Variants in GABRB1 observed in about 807,000 individuals in gnomAD.
The protein encoded by GABRB1 is gamma-aminobutyric acid receptor subunit beta-1.
In GABRB1, 17 loss-of-function variants were observed where a neutral mutation model predicts 51.6. The observed-to-expected ratio is 0.33, with a 90% CI of 0.23 to 0.49. The LOEUF is 0.49. Ranked by LOEUF, GABRB1 falls within the 20% of genes least tolerant of loss-of-function variation. GABRB1 has a pLI of 0.99. For synonymous variants in GABRB1, 247 were observed against 218.9 expected (o/e 1.13, Z -1.14); for missense variants, 410 against 600.6 (o/e 0.68, Z 3.32).
chr4:47,084,312 C>T (rs772125019), intron 3 of GABRB1, among the ~76,000 whole-genome samples: 5 of 152,192 alleles, frequency 3.3e-5, no homozygotes, highest in Non-Finnish European at 7.3e-5. Context: ...TCTTCTAAGC[C>T]ATCAACTGGT....
chr4:47,058,083 A>G (rs1434744997), intron 3 of GABRB1, among the ~76,000 whole-genome samples: 1 of 152,224 alleles, frequency 6.6e-6, no homozygotes, highest in Admixed American at 6.5e-5. Flanking sequence ...GGCTGCACAG[A>G]GTTGTGAGAG....
intron 4 of GABRB1, among the ~76,000 whole-genome samples, chr4:47,174,766 ATTTT>A (rs980278901): frequency 1.3e-5 from 2 of 151,842 alleles, no homozygotes; most frequent in Non-Finnish European, 2.9e-5. Flanking sequence ...CATTCTTAGG[ATTTT>A]TGCTGGGTAG....
At chr4:47,036,458 A>C (rs915759884) in intron 3 of GABRB1, among the ~76,000 whole-genome samples, 5 of 152,080 alleles carry the variant, frequency 3.3e-5, no homozygotes, top group African/African-American at 1.2e-4. Context: ...TCCAAATCAG[A>C]GGTGTGGGAT....
chr4:47,060,486 G>T (rs1726799612), intron 3 of GABRB1, among the ~76,000 whole-genome samples: 2 of 151,938 alleles, frequency 1.3e-5, no homozygotes, highest in South Asian at 2.1e-4. Context: ...TGTTTCTCTT[G>T]GTGGGATTAA....
At chr4:47,351,858 C>T (rs1158176992) in intron 5 of GABRB1, among the ~76,000 whole-genome samples, 10 of 151,786 alleles carry the variant, frequency 6.6e-5, no homozygotes, top group Non-Finnish European at 1.0e-4. Context: ...TGAATAGTGC[C>T]GCAATAAACA....
chr4:47,150,082 A>T (rs1181775366), intron 3 of GABRB1, among the ~76,000 whole-genome samples: 1 of 151,854 alleles, frequency 6.6e-6, no homozygotes, highest in Non-Finnish European at 1.5e-5. Flanking sequence ...TATTTTATTT[A>T]CTTTAGCAAA....
intron 5 of GABRB1, among the ~76,000 whole-genome samples, chr4:47,350,216 T>TAG (rs1215848383): frequency 0.018 from 1,295 of 73,580 alleles, 5 homozygotes; most frequent in South Asian, 0.023. Context: ...TATATATATA[T>TAG]ATAGAGAGAG....
intron 4 of GABRB1, among the ~76,000 whole-genome samples, chr4:47,226,888 A>G (rs1433079109): frequency 6.6e-6 from 1 of 152,202 alleles, no homozygotes; most frequent in Non-Finnish European, 1.5e-5. Context: ...ACATGTAACT[A>G]GGAGGGAAAG....
intron 3 of GABRB1, among the ~76,000 whole-genome samples, chr4:47,066,990 C>T (rs954576133): frequency 4.5e-4 from 68 of 152,320 alleles, no homozygotes; most frequent in African/African-American, 1.5e-3. Flanking sequence ...CCTGGAATTA[C>T]TCCTCGAATG....
At chr4:47,118,902 A>G (rs1171673492) in intron 3 of GABRB1, among the ~76,000 whole-genome samples, 2 of 152,204 alleles carry the variant, frequency 1.3e-5, no homozygotes, top group African/African-American at 4.8e-5. Flanking sequence ...TGTCATATAC[A>G]CTGAAATATT....
At position 47,218,038 on chromosome 4, in the gene GABRB1, C is replaced by A. The variant is rs59490305; in HGVS notation, c.461+56569C>A. On this transcript the variant is annotated intron_variant, in intron 4 of 8. Coordinates refer to ENST00000295454, the MANE Select transcript of GABRB1 (RefSeq NM_000812.4). ...GTAACCATCATTCTACTCTCTACTT[C>A]CATGACAGCAACTTTTTTAGCTCTC... 4.3e-3 allele frequency among the ~76,000 whole-genome samples: 656 copies of A among 151,902 alleles called. 2 individuals carry two copies. The highest frequency in any genetic ancestry group is 0.015 in the African/African-American group (622 of 41,502).
Position 47,031,626 on chromosome 4 carries a change from G to A in GABRB1, c.-26G>A, listed in dbSNP as rs371385364. The A allele has an allele frequency of 2.5e-5, 39 of 1,584,594 alleles. No individual in the cohort carries two copies. Among genetic ancestry groups the A allele is most frequent in the African/African-American group, 5.4e-5 (4 of 74,304 alleles). ...GCATTCCTTGAATCTTCGCAGAAAAGACAATTCTTTTAATCAGAGTTAGTA... is the reference window on the plus strand; with the variant it reads ...GCATTCCTTGAATCTTCGCAGAAAAAACAATTCTTTTAATCAGAGTTAGTA... On this transcript the variant is annotated 5_prime_UTR_variant, in exon 1 of 9. Coordinates refer to ENST00000295454, the MANE Select transcript of GABRB1 (RefSeq NM_000812.4).
intron 4 of GABRB1, among the ~76,000 whole-genome samples, chr4:47,264,515 T>G (rs1217929579): frequency 6.6e-6 from 1 of 152,222 alleles, no homozygotes; most frequent in Non-Finnish European, 1.5e-5. Context: ...TGCCTACTCT[T>G]TGGGGATTTG....
chr4:47,061,290 T>A (rs1259122597), intron 3 of GABRB1, among the ~76,000 whole-genome samples: 1 of 152,152 alleles, frequency 6.6e-6, no homozygotes, highest in Non-Finnish European at 1.5e-5. Flanking sequence ...TTGTGCTTTT[T>A]AAAAAAATTG....
At chr4:47,041,046 T>C (rs141293764) in intron 3 of GABRB1, among the ~76,000 whole-genome samples, 1 of 152,266 alleles carries the variant, frequency 6.6e-6, no homozygotes, top group Non-Finnish European at 1.5e-5. Flanking sequence ...AGAGTCCTTC[T>C]GGAACATTGT....
chr4:47,229,871 A>C (rs1443692736), intron 4 of GABRB1, among the ~76,000 whole-genome samples: 1 of 152,146 alleles, frequency 6.6e-6, no homozygotes, highest in Admixed American at 6.6e-5. Flanking sequence ...CCCTAGCTCT[A>C]CTGAGGGACT....
chr4:47,041,061 C>T (rs1182922835), intron 3 of GABRB1, among the ~76,000 whole-genome samples: 1 of 152,066 alleles, frequency 6.6e-6, no homozygotes, highest in Admixed American at 6.6e-5. Context: ...CATTGTGTTT[C>T]CATGTGAGAT....
At chr4:47,123,734 A>ATAAT (rs1715950265) in intron 3 of GABRB1, among the ~76,000 whole-genome samples, 2 of 88,668 alleles carry the variant, frequency 2.3e-5, no homozygotes, top group Non-Finnish European at 4.0e-5. Flanking sequence ...GATATATCAT[A>ATAAT]TATTATTATA....
chr4:47,399,790 AT>A (rs1728316842), intron 5 of GABRB1, among the ~76,000 whole-genome samples: 1 of 152,180 alleles, frequency 6.6e-6, no homozygotes, highest in Admixed American at 6.5e-5. Flanking sequence ...GTGTCATTCC[AT>A]AATCTTTTCT....
Sources: allele counts gnomAD v4.1 joint callset (sites outside exome capture counted in the v4.1 genomes callset), GRCh38; gene constraint gnomAD v4.1.1; transcripts MANE v1.5; gene names NCBI Gene and HGNC (gene_info 2026-07-23, HGNC 2026-07-21).